CTNND2: variants seen among roughly 807,000 people sequenced by gnomAD.
The protein encoded by CTNND2 is catenin delta-2.
Under a neutral mutation model 144.4 loss-of-function variants are expected in CTNND2, and 22 were observed. The ratio of observed to expected loss-of-function variants is 0.15; its 90% confidence interval spans 0.11 to 0.22. CTNND2 has a LOEUF of 0.22. Among genes scored for constraint, CTNND2 ranks in the 10% least tolerant of loss-of-function variants. CTNND2 has a pLI of 1.00. For missense variants in CTNND2, 1,353 were observed against 1,618.8 expected, an observed-to-expected ratio of 0.84 and a Z score of 2.82; for synonymous variants, 751 against 695.6, an observed-to-expected ratio of 1.08 and a Z score of -1.25.
chr5:11,337,701 A>T (rs1041599544), intron 9 of CTNND2, among the ~76,000 whole-genome samples: 3 of 152,230 alleles, frequency 2.0e-5, no homozygotes, highest in African/African-American at 7.2e-5. Flanking sequence ...AGAATTCAGT[A>T]GATTACTCCT....
At chr5:11,426,937 G>T (rs146929695) in intron 3 of CTNND2, among the ~76,000 whole-genome samples, 1 of 152,274 alleles carries the variant, frequency 6.6e-6, no homozygotes, top group African/African-American at 2.4e-5. Flanking sequence ...AGAAATCAAA[G>T]AAACACAGTG....
intron 9 of CTNND2, among the ~76,000 whole-genome samples, chr5:11,245,571 G>A (rs1274462569): frequency 1.3e-5 from 2 of 152,152 alleles, no homozygotes; most frequent in Non-Finnish European, 2.9e-5. Context: ...GCTGGAAAAG[G>A]CCAGGACAGT....
At chr5:11,399,908 A>G (rs1760480132) in intron 5 of CTNND2, among the ~76,000 whole-genome samples, 1 of 152,248 alleles carries the variant, frequency 6.6e-6, no homozygotes, top group African/African-American at 2.4e-5. Flanking sequence ...GTTTTAAATC[A>G]GTGTCATTTA....
chr5:11,515,912 C>G (rs773921758), intron 3 of CTNND2, among the ~76,000 whole-genome samples: 41 of 152,040 alleles, frequency 2.7e-4, no homozygotes, highest in Non-Finnish European at 5.3e-4. Flanking sequence ...CCAGCCTGGG[C>G]AACATAGCAA....
intron 18 of CTNND2, among the ~76,000 whole-genome samples, chr5:10,993,210 G>A (rs1310202860): frequency 6.6e-6 from 1 of 152,072 alleles, no homozygotes; most frequent in Non-Finnish European, 1.5e-5. Context: ...TCTGCTCCAG[G>A]AATGATATTT....
At chr5:11,543,380 C>T (rs1395655247) in intron 3 of CTNND2, among the ~76,000 whole-genome samples, 5 of 152,184 alleles carry the variant, frequency 3.3e-5, no homozygotes, top group African/African-American at 9.7e-5. Flanking sequence ...TTCCTTCTGA[C>T]TACATACAGG....
intron 3 of CTNND2, among the ~76,000 whole-genome samples, chr5:11,453,583 T>C (rs1216172375): frequency 2.6e-5 from 4 of 152,206 alleles, no homozygotes; most frequent in Non-Finnish European, 4.4e-5. Context: ...CCAGAATCAT[T>C]AATGACAAAT....
intron 9 of CTNND2, among the ~76,000 whole-genome samples, chr5:11,247,236 C>A (rs554275681): frequency 6.6e-6 from 1 of 152,254 alleles, no homozygotes; most frequent in South Asian, 2.1e-4. Context: ...GGTGGCTCAG[C>A]CCCAGCAGGG....
intron 3 of CTNND2, among the ~76,000 whole-genome samples, chr5:11,427,624 T>C (rs1163516485): frequency 3.9e-5 from 6 of 152,092 alleles, no homozygotes; most frequent in Non-Finnish European, 8.8e-5. Context: ...GCATTTTGCA[T>C]TGGGCATTGT....
chr5:11,210,963 T>C (rs900266790), intron 10 of CTNND2, among the ~76,000 whole-genome samples: 5 of 152,176 alleles, frequency 3.3e-5, no homozygotes, highest in African/African-American at 4.8e-5. Flanking sequence ...TTTGCAATAA[T>C]GAAAACTGGA....
chr5:11,412,500 GC>G (rs1334250444), intron 3 of CTNND2, among the ~76,000 whole-genome samples: 2 of 151,914 alleles, frequency 1.3e-5, no homozygotes, highest in East Asian at 3.9e-4. Flanking sequence ...CCTCCATTTA[GC>G]CATATCATAT....
intron 18 of CTNND2, among the ~76,000 whole-genome samples, chr5:10,994,740 A>C (rs1459884721): frequency 6.6e-6 from 1 of 152,128 alleles, no homozygotes; most frequent in African/African-American, 2.4e-5. Context: ...GGGGCCAGGA[A>C]GACAGGAAAG....
intron 1 of CTNND2, among the ~76,000 whole-genome samples, chr5:11,902,407 T>C (rs867032816): frequency 1.3e-5 from 2 of 152,160 alleles, no homozygotes; most frequent in South Asian, 2.1e-4. Context: ...CAGCAAACAC[T>C]TCTCCATGGG....
intron 10 of CTNND2, among the ~76,000 whole-genome samples, chr5:11,208,217 G>C (rs1413579382): frequency 6.6e-6 from 1 of 152,122 alleles, no homozygotes; most frequent in Non-Finnish European, 1.5e-5. Context: ...AAGCAGATGT[G>C]AATAAAGGTA....
chr5:11,671,390 A>C (rs1466641761), intron 2 of CTNND2, among the ~76,000 whole-genome samples: 1 of 152,084 alleles, frequency 6.6e-6, no homozygotes, highest in Non-Finnish European at 1.5e-5. Flanking sequence ...TGGTTCCATT[A>C]TCCCTGTCAC....
chr5:11,829,161 G>A (rs1184517574), intron 1 of CTNND2, among the ~76,000 whole-genome samples: 2 of 152,148 alleles, frequency 1.3e-5, no homozygotes, highest in Non-Finnish European at 2.9e-5. Context: ...GTTTTGAAAG[G>A]GAATCAGAGC....
chr5:11,300,566 T>TC (rs992207660), intron 9 of CTNND2, among the ~76,000 whole-genome samples: 6 of 151,530 alleles, frequency 4.0e-5, no homozygotes, highest in Non-Finnish European at 7.4e-5. Flanking sequence ...CACACACAGT[T>TC]CCCAGATTTA....
rs60609306 is a variant in CTNND2, at chr5:11,311,259, C to G, written c.1628+35113G>C. 3.8e-4 allele frequency among the ~76,000 whole-genome samples: 49 copies of G among 130,626 alleles called. 1 individual carries two copies. Among genetic ancestry groups the G allele is most frequent in the Non-Finnish European group, 4.7e-4 (28 of 60,110 alleles). The allele number at this position is 130,626 out of a possible 152,430, so 85.7% of individuals were successfully genotyped here. ...CTCAACCCACACATACATAAACTCT[C>G]ACACTCACTCCATGCACCCTCACCT... On this transcript the variant is annotated intron_variant, in intron 9 of 21. Transcript: ENST00000304623.
chr5:11,205,241 C>T (rs551512245), intron 10 of CTNND2, among the ~76,000 whole-genome samples: 1 of 152,186 alleles, frequency 6.6e-6, no homozygotes, highest in South Asian at 2.1e-4. Context: ...TACACACACA[C>T]ACAAACTATG....
Sources: gnomAD v4.1 joint callset for allele counts (sites outside exome capture counted in the v4.1 genomes callset) on GRCh38, gnomAD v4.1.1 for gene constraint, MANE v1.5 for transcripts, NCBI Gene and HGNC (gene_info 2026-07-23, HGNC 2026-07-21) for gene names.